The following SPAG16 variants were observed in gnomAD, a reference collection of about 807,000 sequenced individuals.
SPAG16 encodes sperm-associated antigen 16 protein.
A neutral mutation model predicts 80.4 loss-of-function variants in SPAG16; 86 were observed. That is an observed-to-expected ratio of 1.07 (90% CI 0.90 to 1.28). The LOEUF (loss-of-function observed/expected upper bound fraction) is 1.28, where lower values mean the gene tolerates loss of function less well. SPAG16 is among the 50% of genes most tolerant of loss of function. SPAG16 has a pLI of 0.00. For missense variants in SPAG16, 870 were observed against 765.3 expected, an observed-to-expected ratio of 1.14 and a Z score of -1.61; for synonymous variants, 294 against 265.9, an observed-to-expected ratio of 1.11 and a Z score of -1.03.
chr2:213,624,551 A>G (rs112031663), intron 10 of SPAG16, among the ~76,000 whole-genome samples: 3,116 of 152,298 alleles, frequency 0.02, 46 homozygotes, highest in Middle Eastern at 0.051. Flanking sequence ...GTGAATTACA[A>G]TGATAAAAAC....
chr2:213,578,174 T>C (rs1332279947), intron 10 of SPAG16, among the ~76,000 whole-genome samples: 6 of 152,146 alleles, frequency 3.9e-5, no homozygotes, highest in Non-Finnish European at 7.4e-5. Context: ...GCCATTTTAA[T>C]CTATGTCTTA....
At position 214,274,520 on chromosome 2, in the gene SPAG16, G is replaced by T. The variant is rs550382070; in HGVS notation, c.1720+125254G>T. ...TTAGCATGAAGGGCTGTTGAATTTT[G>T]TCAAAGGCCTTTTTTCTGCATCTAT... On this transcript the variant is annotated intron_variant, in intron 15 of 15. Coordinates refer to ENST00000331683, the MANE Select transcript of SPAG16 (RefSeq NM_024532.5). Among the ~76,000 whole-genome samples the T allele has an allele frequency of 1.1e-3, 173 of 152,180 alleles. 1 individual carries two copies. Among genetic ancestry groups the T allele is most frequent in the Admixed American group, 4.8e-3 (73 of 15,276 alleles).
chr2:214,050,308 A>T (rs1408291239), intron 13 of SPAG16, among the ~76,000 whole-genome samples: 1 of 145,606 alleles, frequency 6.9e-6, no homozygotes, highest in Admixed American at 7.0e-5. Flanking sequence ...AAAAAAAAAA[A>T]TTCAGTTTAT....
intron 10 of SPAG16, among the ~76,000 whole-genome samples, chr2:213,524,633 A>T (rs2075815846): frequency 6.6e-6 from 1 of 152,194 alleles, no homozygotes; most frequent in Admixed American, 6.5e-5. Flanking sequence ...GTCAAAGGAG[A>T]TCATTTTGAA....
chr2:213,852,080 A>C (rs534847977), intron 10 of SPAG16, among the ~76,000 whole-genome samples: 1 of 152,194 alleles, frequency 6.6e-6, no homozygotes, highest in Admixed American at 6.5e-5. Flanking sequence ...TTGTTTTGTG[A>C]CTTTTATTGC....
At chr2:213,595,199 A>C (rs1362713854) in intron 10 of SPAG16, among the ~76,000 whole-genome samples, 1 of 152,178 alleles carries the variant, frequency 6.6e-6, no homozygotes, top group Non-Finnish European at 1.5e-5. Context: ...TTCCATCAAA[A>C]TAAAAATAAC....
At chr2:213,323,059 G>T (rs1398800643) in intron 5 of SPAG16, among the ~76,000 whole-genome samples, 1 of 143,452 alleles carries the variant, frequency 7.0e-6, no homozygotes, top group Non-Finnish European at 1.6e-5. Flanking sequence ...ATGGAAAAAT[G>T]CTCAATGTTA....
chr2:213,932,199 T>TG (rs1559602689), intron 12 of SPAG16, among the ~76,000 whole-genome samples: 7 of 136,978 alleles, frequency 5.1e-5, no homozygotes, highest in Admixed American at 1.5e-4. Flanking sequence ...TATATATATA[T>TG]TTGTTGTTGT....
At chr2:214,250,508 G>A (rs1043394391) in intron 15 of SPAG16, among the ~76,000 whole-genome samples, 9 of 150,472 alleles carry the variant, frequency 6.0e-5, no homozygotes, top group Non-Finnish European at 1.2e-4. Context: ...ATTTTAGTAT[G>A]TACAGAAGGA....
At chr2:214,291,947 G>T (rs1256609916) in intron 15 of SPAG16, among the ~76,000 whole-genome samples, 1 of 152,168 alleles carries the variant, frequency 6.6e-6, no homozygotes, top group African/African-American at 2.4e-5. Flanking sequence ...GGCCAGTGAA[G>T]GGCCATCAGT....
intron 10 of SPAG16, among the ~76,000 whole-genome samples, chr2:213,842,443 AC>A (rs1265146412): frequency 2.6e-5 from 4 of 152,114 alleles, no homozygotes; most frequent in Non-Finnish European, 4.4e-5. Flanking sequence ...ATACATATAT[AC>A]AATTCATATA....
chr2:214,303,168 T>G (rs1438142741), intron 15 of SPAG16, among the ~76,000 whole-genome samples: 1 of 152,228 alleles, frequency 6.6e-6, no homozygotes, highest in Non-Finnish European at 1.5e-5. Flanking sequence ...TGTCATAATA[T>G]TGTTAGCTAG....
At position 213,993,751 on chromosome 2, in the gene SPAG16, G is replaced by A. The variant is rs372941914; in HGVS notation, c.1401-20200G>A. Among the ~76,000 whole-genome samples, 20 of 152,228 alleles carry A rather than the reference G, an allele frequency of 1.3e-4. 1 individual carries two copies. The South Asian group carries it at 4.1e-3, about 32-fold the overall frequency. ...GGATGTGCTTCTGTATTGAAATACT[G>A]GTAGTTTTAAATTCTTGACATGAAT... On this transcript the variant is annotated intron_variant, in intron 12 of 15. Coordinates refer to ENST00000331683, the MANE Select transcript of SPAG16 (RefSeq NM_024532.5).
intron 10 of SPAG16, among the ~76,000 whole-genome samples, chr2:213,856,772 A>T (rs566753200): frequency 1.7e-4 from 26 of 152,210 alleles, no homozygotes; most frequent in Admixed American, 3.3e-4. Context: ...CAAAGCAGCA[A>T]GTACCTGGGC....
chr2:214,033,121 A>C (rs573041692), intron 13 of SPAG16, among the ~76,000 whole-genome samples: 2 of 152,310 alleles, frequency 1.3e-5, no homozygotes, highest in East Asian at 3.9e-4. Flanking sequence ...GAGGGAACCA[A>C]ATTAAGGTAA....
intron 8 of SPAG16, among the ~76,000 whole-genome samples, chr2:213,367,315 C>T (rs9677640): frequency 1.3e-5 from 2 of 151,468 alleles, no homozygotes; most frequent in African/African-American, 4.9e-5. Flanking sequence ...GTAATGGGAT[C>T]GCTGGGTCAA....
chr2:214,310,059 A>G (rs1460581383), intron 15 of SPAG16, among the ~76,000 whole-genome samples: 1 of 152,092 alleles, frequency 6.6e-6, no homozygotes, highest in African/African-American at 2.4e-5. Flanking sequence ...ATCCATTGCC[A>G]TAGAAGTAGT....
At chr2:213,288,473 T>TG (rs1343834242) in intron 1 of SPAG16, among the ~76,000 whole-genome samples, 2 of 147,764 alleles carry the variant, frequency 1.4e-5, no homozygotes, top group Non-Finnish European at 3.0e-5. Context: ...CCTGGCTAAT[T>TG]TTTTTTTTTT....
chr2:213,960,164 TTTAG>T (rs1400501098), intron 12 of SPAG16, among the ~76,000 whole-genome samples: 1 of 152,198 alleles, frequency 6.6e-6, no homozygotes, highest in Non-Finnish European at 1.5e-5. Flanking sequence ...TTTGAATCCC[TTTAG>T]TTAATTTTTC....
Sources: allele counts gnomAD v4.1 joint callset (sites outside exome capture counted in the v4.1 genomes callset), GRCh38; gene constraint gnomAD v4.1.1; transcripts MANE v1.5; gene names NCBI Gene and HGNC (gene_info 2026-07-23, HGNC 2026-07-21).